ZFYVE16: variants seen among roughly 807,000 people sequenced by gnomAD.
ZFYVE16 encodes zinc finger FYVE-type containing 16.
ZFYVE16 carries 89 observed loss-of-function variants against 138.1 expected under a neutral mutation model. That is an observed-to-expected ratio of 0.64 (90% CI 0.54 to 0.77). ZFYVE16 has a LOEUF of 0.77. ZFYVE16 is among the 30% of genes least tolerant of loss of function. The pLI is 0.00. For synonymous variants in ZFYVE16, 596 were observed against 618.3 expected (o/e 0.96, Z 0.53); for missense variants, 1,793 against 1,786.7 (o/e 1.00, Z -0.06).
chr5:80,408,777 C>G (rs572147980), intron 1 of ZFYVE16, among the ~76,000 whole-genome samples: 4 of 152,334 alleles, frequency 2.6e-5, no homozygotes, highest in South Asian at 4.1e-4. Flanking sequence ...ATGTTCCAGA[C>G]TAAGGATGTT....
At position 80,419,957 on chromosome 5, in the gene ZFYVE16, A is replaced by G. The variant is rs7717649; in HGVS notation, c.-93-7535A>G. 2.0e-3 allele frequency among the ~76,000 whole-genome samples: 299 copies of G among 147,616 alleles called. 2 individuals are homozygous for G. The South Asian group carries it at 0.041, about 20-fold the overall frequency. ...CTCCTGAGTAGCTGGGATTACAGGT[A>G]CACTCCACCACGCCTGGCTAATTTT... On this transcript the variant is annotated intron_variant, in intron 1 of 18. Coordinates refer to ENST00000505560, the MANE Select transcript of ZFYVE16 (RefSeq NM_001284236.3).
At position 80,457,091 on chromosome 5, in the gene ZFYVE16, A is replaced by C. The variant is rs765521008; in HGVS notation, c.3942A>C (p.Lys1314Asn). ...ACAGTGCCACTGGCCATCCTAGAAA[A>C]GGTGAGCATCTTGGTTCCTAGTGCT... is the stretch of plus-strand genomic sequence containing the variant. ...QANSATGHPR[K>N]VTGASFVVFN... Residue 1314 changes from lysine (K) to asparagine (N), a missense_variant and splice_region_variant, in exon 14 of 19, where the codon AAA becomes AAC. This residue lies in a region of ZFYVE16 where 498 missense variants were observed against 582.4 expected (regional missense o/e 0.86). Transcript: ENST00000505560. The C allele has an allele frequency of 6.2e-7, 1 of 1,610,662 alleles. No individual in the cohort carries two copies. The highest frequency in any genetic ancestry group is 1.1e-5 in the South Asian group (1 of 89,932).
At chr5:80,424,560 C>T (rs1246555284) in intron 1 of ZFYVE16, among the ~76,000 whole-genome samples, 1 of 151,364 alleles carries the variant, frequency 6.6e-6, no homozygotes, top group Non-Finnish European at 1.5e-5. Flanking sequence ...CTCCTGGGAT[C>T]AAGTGATTCT....
chr5:80,429,118 C>T (rs1748588992), intron 2 of ZFYVE16, among the ~76,000 whole-genome samples: 7 of 152,134 alleles, frequency 4.6e-5, no homozygotes. Flanking sequence ...CACAAAGATA[C>T]TCCTCGAGAA....
intron 1 of ZFYVE16, among the ~76,000 whole-genome samples, chr5:80,408,471 C>T (rs568500629): frequency 1.3e-4 from 20 of 152,324 alleles, no homozygotes; most frequent in African/African-American, 4.3e-4. Flanking sequence ...GGGGAGAGAC[C>T]CCAGCGGACG....
chr5:80,468,737 T>C (rs1025119144), intron 15 of ZFYVE16, among the ~76,000 whole-genome samples: 14 of 152,320 alleles, frequency 9.2e-5, no homozygotes, highest in African/African-American at 3.4e-4. Flanking sequence ...GTTTCTGGTA[T>C]ATAGAAATAC....
intron 1 of ZFYVE16, among the ~76,000 whole-genome samples, chr5:80,415,091 C>T (rs1302758411): frequency 6.6e-6 from 1 of 152,134 alleles, no homozygotes; most frequent in Non-Finnish European, 1.5e-5. Context: ...TAGATTGATT[C>T]TCTAATTTCT....
Position 80,437,992 on chromosome 5 carries a change from A to G in ZFYVE16, c.1307A>G (p.Gln436Arg). 6.2e-7 allele frequency: 1 copy of G among 1,614,052 alleles called. No individual in the cohort carries two copies. Among genetic ancestry groups the G allele is most frequent in the Non-Finnish European group, 8.5e-7 (1 of 1,179,968 alleles). ...EPFKENDLLKQEKCKSILLQS... is the reference protein window; with the variant it reads ...EPFKENDLLKREKCKSILLQS... ...TTCAAAGAGAATGATCTTTTGAAAC[A>G]GGAAAAATGTAAAAGCATACTCCTT... The change falls in exon 4 of 19, where the codon CAG (glutamine) becomes CGG (arginine). Residue 436 changes from glutamine (Q) to arginine (R), a missense_variant. This residue lies in a region of ZFYVE16 where 1,295 missense variants were observed against 1,204.3 expected (regional missense o/e 1.08). Coordinates refer to ENST00000505560, the MANE Select transcript of ZFYVE16 (RefSeq NM_001284236.3).
At chr5:80,463,731 C>T (rs1753386873) in intron 15 of ZFYVE16, among the ~76,000 whole-genome samples, 1 of 152,194 alleles carries the variant, frequency 6.6e-6, no homozygotes, top group Admixed American at 6.5e-5. Context: ...TCCAAAGTAT[C>T]TCTTTGTGAA....
chr5:80,440,964 C>A, intron 5 of ZFYVE16: 1 of 985,332 alleles, frequency 1.0e-6, no homozygotes, highest in Non-Finnish European at 1.2e-6. Flanking sequence ...AGGTAAGCTG[C>A]TTTTCTCCCT....
rs145127668 is a variant in ZFYVE16, at chr5:80,418,833, C to T, written c.-93-8659C>T. On this transcript the variant is annotated intron_variant, in intron 1 of 18. Transcript: ENST00000505560. ...ACTGGTATTGTATTTAAAAACTCCT[C>T]ACCAAACCCAAGGTTATGTAGATTT... is the stretch of plus-strand genomic sequence containing the variant. Among the ~76,000 whole-genome samples the T allele has an allele frequency of 1.2e-3, 186 of 152,250 alleles. 2 individuals carry two copies. Among genetic ancestry groups the T allele is most frequent in the African/African-American group, 4.3e-3 (179 of 41,546 alleles).
chr5:80,408,083 G>C lies in ZFYVE16; in HGVS notation c.-164G>C, dbSNP rs1244149200. On this transcript the variant is annotated 5_prime_UTR_variant, in exon 1 of 19. Coordinates refer to ENST00000505560, the MANE Select transcript of ZFYVE16 (RefSeq NM_001284236.3). ...TCTGGCACTCCCAGGACTCCCGGCC[G>C]GGGTAGCTCTTCACTCCTCAGCGCG... The C allele has an allele frequency of 6.6e-6, 1 of 152,264 alleles. No individual in the cohort carries two copies. The highest frequency in any genetic ancestry group is 2.4e-5 in the African/African-American group (1 of 41,464). The allele number at this position is 152,264 out of a possible 1,614,324, so 9.4% of individuals were successfully genotyped here. A position where few individuals can be genotyped will look rare whatever the true frequency, so the allele number is the denominator to read the frequency against.
chr5:80,446,695 A>AATTT lies in ZFYVE16; in HGVS notation c.2724+1293_2724+1296dup, dbSNP rs61668726. ...AAATGTAACTGAGATTTAGTAATTT[A>AATTT]ATTTATACTAATATCTATTTAGTTA... On this transcript the variant is annotated intron_variant, in intron 7 of 18. Transcript: ENST00000505560. Among the ~76,000 whole-genome samples, 130 of 152,282 alleles carry AATTT rather than the reference A, an allele frequency of 8.5e-4. 6 individuals are homozygous for AATTT. In the East Asian group the frequency reaches 0.025, roughly 29 times the overall value.
intron 2 of ZFYVE16, among the ~76,000 whole-genome samples, chr5:80,431,052 A>G (rs184391377): frequency 6.6e-4 from 101 of 152,336 alleles, no homozygotes; most frequent in South Asian, 1.9e-3. Flanking sequence ...TATTCCAATC[A>G]ATAGAAAAAG....
At chr5:80,457,610 T>C in intron 14 of ZFYVE16, among the ~76,000 whole-genome samples, 1 of 152,216 alleles carries the variant, frequency 6.6e-6, no homozygotes, top group East Asian at 1.9e-4. Flanking sequence ...ATAAAATTAA[T>C]ATATTATTAT....
At chr5:80,449,738 G>A in intron 9 of ZFYVE16, 25 bp downstream of exon 9, 1 of 1,563,628 alleles carries the variant, frequency 6.4e-7, no homozygotes, top group South Asian at 1.2e-5. Context: ...ATCCTTATTT[G>A]CTTAATTGGT....
chr5:80,454,270 T>G (rs1381169406), intron 11 of ZFYVE16: 1 of 152,190 alleles, frequency 6.6e-6, no homozygotes, highest in Non-Finnish European at 1.5e-5. Flanking sequence ...ATTAGAGAGA[T>G]TAGTTTGCTT....
intron 15 of ZFYVE16, among the ~76,000 whole-genome samples, chr5:80,465,181 T>C (rs1023599915): frequency 6.6e-6 from 1 of 152,072 alleles, no homozygotes; most frequent in African/African-American, 2.4e-5. Flanking sequence ...TATTTAAGTG[T>C]GAGGGACTTC....
At chr5:80,440,571 G>A in intron 5 of ZFYVE16, 3 of 981,970 alleles carry the variant, frequency 3.1e-6, no homozygotes, top group East Asian at 1.2e-4. Context: ...TTAGAATTTT[G>A]CATATGTACA....
Sources: gnomAD v4.1 joint callset for allele counts (sites outside exome capture counted in the v4.1 genomes callset) on GRCh38, gnomAD v4.1.1 for gene constraint, gnomAD v4.1.1 regional missense constraint, MANE v1.5 for transcripts, NCBI Gene and HGNC (gene_info 2026-07-23, HGNC 2026-07-21) for gene names.